CSMD1: variants seen among roughly 807,000 people sequenced by gnomAD.
CSMD1 encodes the protein CUB and Sushi multiple domains 1.
Under a neutral mutation model 417.5 loss-of-function variants are expected in CSMD1, and 213 were observed. The observed-to-expected ratio is 0.51, with a 90% CI of 0.46 to 0.57. The LOEUF is 0.57. CSMD1 is among the 20% of genes least tolerant of loss of function. The pLI is 0.00. For synonymous variants in CSMD1, 2,862 were observed against 1,736.8 expected, an observed-to-expected ratio of 1.65 and a Z score of -16.11; for missense variants, 6,923 against 4,529.7, an observed-to-expected ratio of 1.53 and a Z score of -15.17.
chr8:4,738,050 T>A (rs868269943), intron 1 of CSMD1, among the ~76,000 whole-genome samples: 1 of 152,170 alleles, frequency 6.6e-6, no homozygotes, highest in African/African-American at 2.4e-5. Context: ...AAAGTGGTAA[T>A]AGTAAAAACA....
At chr8:4,787,693 T>G (rs1797479459) in intron 1 of CSMD1, 4 of 1,591,430 alleles carry the variant, frequency 2.5e-6, no homozygotes. Context: ...TAAAGTGGAG[T>G]TGTTTTTCAA....
rs78463738 is a variant in CSMD1 at position 3,909,487 on chromosome 8, G to C, written c.818+88416C>G. Among the ~76,000 whole-genome samples, 652 of 152,212 alleles carry C rather than the reference G, an allele frequency of 4.3e-3. 2 individuals carry two copies. Among genetic ancestry groups the C allele is most frequent in the Non-Finnish European group, 7.4e-3 (502 of 68,014 alleles). ...TGAGACAGCAGTGCGGAAATATCCA[G>C]AGAGCTTTCTCCCAGAAGCAGGAAT... On this transcript the variant is annotated intron_variant, in intron 5 of 69. Transcript: ENST00000635120.
chr8:3,435,729 G>T (rs548535017), intron 12 of CSMD1, among the ~76,000 whole-genome samples: 4 of 151,986 alleles, frequency 2.6e-5, no homozygotes, highest in African/African-American at 9.7e-5. Flanking sequence ...CACCCTACAC[G>T]TCACTCAATC....
intron 1 of CSMD1, among the ~76,000 whole-genome samples, chr8:4,809,062 C>A (rs1798749681): frequency 6.6e-6 from 1 of 152,206 alleles, no homozygotes; most frequent in Non-Finnish European, 1.5e-5. Context: ...AGTACAGCTT[C>A]ACTGCCTCTG....
rs1223434328 is a variant in CSMD1 at position 4,129,012 on chromosome 8, G to A, written c.416-96913C>T. ...AGTTGCTTGAACCCGGGAGTCAGAG[G>A]CTGCAGTAAGCCGAGATCGCGCCAC... On this transcript the variant is annotated intron_variant, in intron 3 of 69. Transcript: ENST00000635120. Among the ~76,000 whole-genome samples the A allele has an allele frequency of 4.0e-5, 6 of 148,816 alleles. No homozygotes were observed. In the East Asian group the frequency reaches 7.9e-4, roughly 20 times the overall value.
chr8:4,019,192 T>A (rs991218958), intron 4 of CSMD1, among the ~76,000 whole-genome samples: 3 of 152,046 alleles, frequency 2.0e-5, no homozygotes, highest in Admixed American at 2.0e-4. Context: ...CAAGACAGGT[T>A]TATTATGGAC....
intron 1 of CSMD1, among the ~76,000 whole-genome samples, chr8:4,732,291 C>T (rs571343222): frequency 1.3e-5 from 2 of 151,228 alleles, no homozygotes; most frequent in African/African-American, 4.9e-5. Flanking sequence ...ATTCTAGAAA[C>T]CTTAATGTTA....
chr8:4,336,492 G>A (rs969205158), intron 3 of CSMD1, among the ~76,000 whole-genome samples: 1 of 152,142 alleles, frequency 6.6e-6, no homozygotes. Flanking sequence ...CGGAAACACA[G>A]ATACAACTAC....
At chr8:4,376,518 G>A (rs927331211) in intron 3 of CSMD1, among the ~76,000 whole-genome samples, 1 of 152,060 alleles carries the variant, frequency 6.6e-6, no homozygotes, top group East Asian at 1.9e-4. Flanking sequence ...TTTCCCCACA[G>A]TATATTTAAT....
chr8:3,725,126 G>C (rs968067789), intron 6 of CSMD1, among the ~76,000 whole-genome samples: 5 of 152,186 alleles, frequency 3.3e-5, no homozygotes, highest in Non-Finnish European at 7.3e-5. Flanking sequence ...AAAGGAGGTA[G>C]ACACAGCAGA....
At chr8:4,770,064 G>A (rs1585071356) in intron 1 of CSMD1, among the ~76,000 whole-genome samples, 1 of 151,544 alleles carries the variant, frequency 6.6e-6, no homozygotes, top group Non-Finnish European at 1.5e-5. Flanking sequence ...AAATCACAGA[G>A]GACACAAATG....
chr8:4,842,696 A>C (rs6558923), intron 1 of CSMD1, among the ~76,000 whole-genome samples: 97,583 of 152,082 alleles, frequency 0.64, 31,783 homozygotes, highest in East Asian at 0.95. Context: ...AAAAACAATT[A>C]TTATGAGCTA....
intron 26 of CSMD1, among the ~76,000 whole-genome samples, chr8:3,269,901 T>G (rs1323212336): frequency 6.6e-6 from 1 of 152,296 alleles, no homozygotes; most frequent in African/African-American, 2.4e-5. Flanking sequence ...CTCCTTTTTC[T>G]AGTGGAGAAA....
In CSMD1 at chr8:3,850,785, T is replaced by G. The variant is rs577958579; in HGVS notation, c.819-96743A>C. On this transcript the variant is annotated intron_variant, in intron 5 of 69. Coordinates refer to ENST00000635120, the MANE Select transcript of CSMD1 (RefSeq NM_033225.6). Reference sequence around the variant, plus strand: ...ACATCACAGGGGTGTGCCTTAGTAGTGTGTGAAAGTCCAGTCAAAGGAACA... The same window carrying G: ...ACATCACAGGGGTGTGCCTTAGTAGGGTGTGAAAGTCCAGTCAAAGGAACA... Among the ~76,000 whole-genome samples, 27 of 152,200 alleles carry G rather than the reference T, an allele frequency of 1.8e-4. No individual in the cohort carries two copies. The South Asian group carries it at 4.6e-3, about 26-fold the overall frequency.
chr8:4,490,347 CTTGTAAGTGCAACCA>C lies in CSMD1; in HGVS notation c.303-70297_303-70283del, dbSNP rs1801639841. Among the ~76,000 whole-genome samples the C allele has an allele frequency of 2.0e-5, 3 of 152,062 alleles. No homozygotes were observed. In the East Asian group the frequency reaches 5.8e-4, roughly 29 times the overall value. Reference sequence around the variant, plus strand: ...GAGCCACCATATCCAGCCCAGATATCTTGTAAGTGCAACCATTGCTTAATGTCCCCTAACTTAGTT... The same window carrying C: ...GAGCCACCATATCCAGCCCAGATATCTTGCTTAATGTCCCCTAACTTAGTT... On this transcript the variant is annotated intron_variant, in intron 2 of 69. Coordinates refer to ENST00000635120, the MANE Select transcript of CSMD1 (RefSeq NM_033225.6).
At chr8:4,071,119 T>C (rs1799533061) in intron 3 of CSMD1, among the ~76,000 whole-genome samples, 1 of 152,128 alleles carries the variant, frequency 6.6e-6, no homozygotes, top group African/African-American at 2.4e-5. Context: ...TTGAGTCTTT[T>C]TTTTTCTTTT....
At chr8:3,670,193 C>T (rs978997101) in intron 7 of CSMD1, among the ~76,000 whole-genome samples, 1 of 151,930 alleles carries the variant, frequency 6.6e-6, no homozygotes, top group Non-Finnish European at 1.5e-5. Context: ...TACACTTAAT[C>T]TGGGTGGGTA....
At chr8:4,410,062 C>T (rs1186233209) in intron 3 of CSMD1, among the ~76,000 whole-genome samples, 2 of 152,116 alleles carry the variant, frequency 1.3e-5, no homozygotes, top group Admixed American at 6.6e-5. Context: ...TCCACACCTG[C>T]CGTGGCCTCC....
chr8:4,437,399 T>C (rs1016379869), intron 2 of CSMD1, among the ~76,000 whole-genome samples: 4 of 152,206 alleles, frequency 2.6e-5, no homozygotes, highest in African/African-American at 9.6e-5. Flanking sequence ...TAATCATGAC[T>C]AGCAAAGTGA....
Sources: allele counts gnomAD v4.1 joint callset (sites outside exome capture counted in the v4.1 genomes callset), GRCh38; gene constraint gnomAD v4.1.1; transcripts MANE v1.5; gene names NCBI Gene and HGNC (gene_info 2026-07-23, HGNC 2026-07-21).